DPY19L2: variants seen among roughly 807,000 people sequenced by gnomAD.
The protein encoded by DPY19L2 is probable C-mannosyltransferase DPY19L2.
DPY19L2 carries 34 observed loss-of-function variants against 97.9 expected under a neutral mutation model. The ratio of observed to expected loss-of-function variants is 0.35; its 90% CI spans 0.26 to 0.46. The LOEUF is 0.46. Among genes scored for constraint, DPY19L2 ranks in the 20% least tolerant of loss-of-function variants. DPY19L2 has a pLI of 1.00. For synonymous variants in DPY19L2, 230 were observed against 307.9 expected, an observed-to-expected ratio of 0.75 and a Z score of 2.65; for missense variants, 623 against 911.4, an observed-to-expected ratio of 0.68 and a Z score of 4.07.
At chr12:63,658,157 A>T (rs550123948) in intron 4 of DPY19L2, among the ~76,000 whole-genome samples, 16 of 152,228 alleles carry the variant, frequency 1.1e-4, no homozygotes, top group Non-Finnish European at 1.9e-4. Flanking sequence ...AGAGTTCTTT[A>T]TATATTAGGT....
rs1882347532 is a variant in DPY19L2, at chr12:63,588,995, C to T, written c.1580+5092G>A. Among the ~76,000 whole-genome samples, 2 of 151,774 alleles carry T rather than the reference C, an allele frequency of 1.3e-5. 1 individual carries two copies. The highest frequency in any genetic ancestry group is 2.9e-5 in the Non-Finnish European group (2 of 67,906). The stretch of plus-strand genomic sequence containing the variant: ...GCCTCAATCTCCTGACCTCGTGATC[C>T]GCCCACCTTGGCCTCCCAAAATGCT... On this transcript the variant is annotated intron_variant, in intron 16 of 21. Transcript: ENST00000324472.
At chr12:63,626,250 T>A (rs2971518) in intron 7 of DPY19L2, among the ~76,000 whole-genome samples, 1 of 151,570 alleles carries the variant, frequency 6.6e-6, no homozygotes, top group Non-Finnish European at 1.5e-5. Context: ...TGTATATGTA[T>A]ATATTTACTA....
chr12:63,578,073 A>C (rs771692767), intron 19 of DPY19L2, among the ~76,000 whole-genome samples: 2 of 152,136 alleles, frequency 1.3e-5, no homozygotes, highest in Non-Finnish European at 2.9e-5. Context: ...ATGGATAAAG[A>C]AAATGTGGTA....
Position 63,647,304 on chromosome 12 carries a change from GT to G in DPY19L2, c.649del (p.Thr217LeufsTer10). ...MGIMNLFGLETKTCWNVTRIE... is the reference protein window; with the variant it reads ...MGIMNLFGLEXKTCWNVTRIE... Reference sequence around the variant, plus strand: ...TCTGGTGACATTCCAGCAGGTCTTAGTTTCTAGTCCAAATAAATTCATTATT... The same window carrying G: ...TCTGGTGACATTCCAGCAGGTCTTAGTTCTAGTCCAAATAAATTCATTATT... On this transcript the variant is annotated frameshift_variant, in exon 5 of 22. Transcript: ENST00000324472. LOFTEE classifies it high-confidence loss of function. 6.3e-7 allele frequency: 1 copy of G among 1,589,482 alleles called. No individual in the cohort carries two copies. The highest frequency in any genetic ancestry group is 8.6e-7 in the Non-Finnish European group (1 of 1,165,666).
intron 6 of DPY19L2, among the ~76,000 whole-genome samples, chr12:63,634,640 C>T (rs1363845799): frequency 6.6e-6 from 1 of 151,916 alleles, no homozygotes; most frequent in Non-Finnish European, 1.5e-5. Context: ...TTACATCCCG[C>T]ACATGGCTCA....
At chr12:63,586,045 CA>C (rs1881734849) in intron 16 of DPY19L2, among the ~76,000 whole-genome samples, 1 of 151,990 alleles carries the variant, frequency 6.6e-6, no homozygotes, top group African/African-American at 2.4e-5. Context: ...GTGATAAAAG[CA>C]ATAACAGAAA....
intron 6 of DPY19L2, among the ~76,000 whole-genome samples, chr12:63,638,585 T>C (rs969059001): frequency 9.2e-5 from 14 of 152,016 alleles, no homozygotes; most frequent in Admixed American, 3.9e-4. Context: ...GAGAGCCAAA[T>C]CATGAGTGAA....
intron 8 of DPY19L2, among the ~76,000 whole-genome samples, chr12:63,623,387 T>C (rs976331381): frequency 6.6e-6 from 1 of 152,164 alleles, no homozygotes; most frequent in African/African-American, 2.4e-5. Context: ...CACAGAACAC[T>C]TTTTTCATGG....
intron 8 of DPY19L2, among the ~76,000 whole-genome samples, chr12:63,622,868 G>A (rs7980450): frequency 0.08 from 12,185 of 152,188 alleles, 772 homozygotes; most frequent in African/African-American, 0.17. Flanking sequence ...AGAGGTTGCA[G>A]TGAGCCGATC....
Position 63,635,840 on chromosome 12 carries a change from T to C in DPY19L2, c.803+8563A>G, listed in dbSNP as rs533013059. On this transcript the variant is annotated intron_variant, in intron 6 of 21. Coordinates refer to ENST00000324472, the MANE Select transcript of DPY19L2 (RefSeq NM_173812.5). ...AAGTGACAGGGAGAATGGAACCACA[T>C]TGGAAAACACTCTTGAAGATATTAT... is the stretch of plus-strand genomic sequence containing the variant. Among the ~76,000 whole-genome samples, 446 of 152,244 alleles carry C rather than the reference T, an allele frequency of 2.9e-3. 3 individuals carry two copies. Among genetic ancestry groups the C allele is most frequent in the South Asian group, 0.018 (88 of 4,818 alleles).
At chr12:63,620,611 C>T (rs534326934) in intron 9 of DPY19L2, among the ~76,000 whole-genome samples, 31 of 152,186 alleles carry the variant, frequency 2.0e-4, no homozygotes, top group Non-Finnish European at 4.1e-4. Flanking sequence ...TTTAAGTAAA[C>T]TTTATTCCCT....
intron 21 of DPY19L2, among the ~76,000 whole-genome samples, chr12:63,562,382 A>G (rs991131840): frequency 1.3e-5 from 2 of 152,184 alleles, no homozygotes; most frequent in Non-Finnish European, 2.9e-5. Context: ...AGTAATATTT[A>G]CATTGTTTGG....
intron 13 of DPY19L2, among the ~76,000 whole-genome samples, chr12:63,599,178 CAAAAAAA>C (rs34866870): frequency 8.0e-6 from 1 of 125,006 alleles, no homozygotes; most frequent in South Asian, 2.8e-4. Flanking sequence ...TTTCAAAAAA[CAAAAAAA>C]AAAAAAAAAA....
chr12:63,595,269 C>T (rs1884013458), intron 15 of DPY19L2, among the ~76,000 whole-genome samples: 1 of 152,086 alleles, frequency 6.6e-6, no homozygotes, highest in South Asian at 2.1e-4. Context: ...TAAATACATA[C>T]TGGCTTAAGA....
chr12:63,592,491 T>C (rs1883286618), intron 16 of DPY19L2, among the ~76,000 whole-genome samples: 1 of 148,816 alleles, frequency 6.7e-6, no homozygotes, highest in East Asian at 2.0e-4. Context: ...GCCGCATATC[T>C]ACAACTATCT....
At chr12:63,668,543 TGTG>T, upstream of DPY19L2, 1 of 816,374 alleles carries the variant, frequency 1.2e-6, no homozygotes, top group African/African-American at 1.7e-5. Flanking sequence ...GACTGTGAAA[TGTG>T]GGGTGGGGCG....
intron 21 of DPY19L2, among the ~76,000 whole-genome samples, chr12:63,563,158 T>C (rs1326219305): frequency 1.3e-5 from 2 of 152,132 alleles, no homozygotes; most frequent in African/African-American, 4.8e-5. Flanking sequence ...TTTTTATACA[T>C]CTAGAGAAAG....
chr12:63,576,882 A>G (rs61935047), intron 19 of DPY19L2, among the ~76,000 whole-genome samples: 11,813 of 152,136 alleles, frequency 0.078, 554 homozygotes, highest in Middle Eastern at 0.15. Flanking sequence ...TACAGATTCA[A>G]TGCAATCCCC....
chr12:63,630,196 G>A (rs1230036694), intron 6 of DPY19L2, among the ~76,000 whole-genome samples: 26 of 152,092 alleles, frequency 1.7e-4, no homozygotes, highest in Non-Finnish European at 1.5e-5. Flanking sequence ...ATAATGACAG[G>A]ATCAAATTTA....
Sources: gnomAD v4.1 joint callset for allele counts (sites outside exome capture counted in the v4.1 genomes callset) on GRCh38, gnomAD v4.1.1 for gene constraint, MANE v1.5 for transcripts, NCBI Gene and HGNC (gene_info 2026-07-23, HGNC 2026-07-21) for gene names.